The following RETREG1 variants were observed in gnomAD, a reference collection of about 807,000 sequenced individuals.
The protein encoded by RETREG1 is reticulophagy regulator 1, also known as family with sequence similarity 134 member B.
In RETREG1, 44 loss-of-function variants were observed where a neutral mutation model predicts 54.8. The ratio of observed to expected loss-of-function variants is 0.80; its 90% CI spans 0.63 to 1.03. RETREG1 has a LOEUF of 1.03. RETREG1 is among the 50% of genes least tolerant of loss of function. The pLI, the probability that RETREG1 is intolerant of heterozygous loss-of-function variation, is 0.00. For synonymous variants in RETREG1, 217 were observed against 238.5 expected (o/e 0.91, Z 0.83); for missense variants, 554 against 605.1 (o/e 0.92, Z 0.89).
intron 3 of RETREG1, among the ~76,000 whole-genome samples, chr5:16,515,134 T>C (rs1008502314): frequency 6.6e-6 from 1 of 152,178 alleles, no homozygotes; most frequent in Admixed American, 6.5e-5. Context: ...GTGGGATTGC[T>C]GGATCAAATG....
At chr5:16,525,699 A>G (rs952466076) in intron 3 of RETREG1, among the ~76,000 whole-genome samples, 1 of 152,082 alleles carries the variant, frequency 6.6e-6, no homozygotes, top group African/African-American at 2.4e-5. Context: ...GCAGCACTGA[A>G]TTCCTAGGTC....
chr5:16,557,098 G>C (rs1289404504), intron 3 of RETREG1, among the ~76,000 whole-genome samples: 13 of 152,154 alleles, frequency 8.5e-5, no homozygotes, highest in Admixed American at 8.5e-4. Context: ...CCATAGTGCT[G>C]GCATTAAAGT....
rs1393530930 is a variant in RETREG1 at position 16,513,688 on chromosome 5, A to G, written c.459-30216T>C. On this transcript the variant is annotated intron_variant, in intron 3 of 8. Coordinates refer to ENST00000306320, the MANE Select transcript of RETREG1 (RefSeq NM_001034850.3). ...ATCTCCATGGTGGGCATTTCAAGTC[A>G]AGTCTATATCCTCATATCTGAACCT... 2.0e-5 allele frequency among the ~76,000 whole-genome samples: 3 copies of G among 152,242 alleles called. No homozygotes were observed. The South Asian group carries it at 6.2e-4, about 32-fold the overall frequency.
intron 3 of RETREG1, among the ~76,000 whole-genome samples, chr5:16,519,011 G>A (rs1332026299): frequency 6.6e-6 from 1 of 152,204 alleles, no homozygotes; most frequent in African/African-American, 2.4e-5. Context: ...CAAAGTGGAA[G>A]AGGATATTTT....
intron 3 of RETREG1, among the ~76,000 whole-genome samples, chr5:16,499,185 T>A (rs2126546688): frequency 6.6e-6 from 1 of 152,270 alleles, no homozygotes; most frequent in East Asian, 1.9e-4. Flanking sequence ...CAACAGGGAC[T>A]TTTCCACTCC....
intron 3 of RETREG1, among the ~76,000 whole-genome samples, chr5:16,547,637 C>T (rs1156642253): frequency 4.6e-5 from 7 of 152,208 alleles, no homozygotes; most frequent in Non-Finnish European, 1.0e-4. Context: ...CCAAGTTCCC[C>T]TTTCAATGTG....
chr5:16,538,757 T>A (rs1022112946), intron 3 of RETREG1, among the ~76,000 whole-genome samples: 1 of 151,694 alleles, frequency 6.6e-6, no homozygotes, highest in Non-Finnish European at 1.5e-5. Flanking sequence ...CAGGCTGGAG[T>A]GCAGTGGCAC....
intron 3 of RETREG1, among the ~76,000 whole-genome samples, chr5:16,496,616 A>G (rs943147788): frequency 1.3e-5 from 2 of 152,208 alleles, no homozygotes; most frequent in Non-Finnish European, 2.9e-5. Context: ...TCAGAATTCC[A>G]TTACCCAAAA....
At chr5:16,576,733 C>T (rs563870452) in intron 1 of RETREG1, among the ~76,000 whole-genome samples, 43 of 152,258 alleles carry the variant, frequency 2.8e-4, no homozygotes, top group African/African-American at 1.0e-3. Context: ...CCACCTGCCT[C>T]GGCCTCCCGA....
In RETREG1 at chr5:16,483,469, C is replaced by T; in HGVS notation, c.462G>A (p.Trp154Ter). 1 of 1,612,964 alleles carries T rather than the reference C, an allele frequency of 6.2e-7. No homozygotes were observed. Among genetic ancestry groups the T allele is most frequent in the East Asian group, 2.2e-5 (1 of 44,856 alleles). Residue 154 changes from tryptophan to a stop codon, truncating the protein, a stop_gained, in exon 4 of 9, where the codon TGG (tryptophan) becomes TGA (stop). Transcript: ENST00000306320. LOFTEE classifies it high-confidence loss of function. Reference sequence around the variant, plus strand: ...CATCTGGTTTGGAATTGATAACTTCCCAGCTAAAGAGACAAAAAGAAAAAA... The same window carrying T: ...CATCTGGTTTGGAATTGATAACTTCTCAGCTAAAGAGACAAAAAGAAAAAA... ...AQLWRSLSES[W>*]EVINSKPDER... is the part of the protein sequence containing the mutation.
At chr5:16,553,958 G>A (rs959401943) in intron 3 of RETREG1, among the ~76,000 whole-genome samples, 5 of 152,022 alleles carry the variant, frequency 3.3e-5, no homozygotes, top group African/African-American at 4.8e-5. Context: ...ACTACAGTTC[G>A]GACCATGAGG....
rs1244196393 is a variant in RETREG1, at chr5:16,477,256, G to A, written c.1000+406C>T. 3.9e-5 allele frequency among the ~76,000 whole-genome samples: 6 copies of A among 152,208 alleles called. No homozygotes were observed. The East Asian group carries it at 1.2e-3, about 29-fold the overall frequency. On this transcript the variant is annotated intron_variant, in intron 8 of 8. Coordinates refer to ENST00000306320, the MANE Select transcript of RETREG1 (RefSeq NM_001034850.3). ...ACCCTTCTAAGGTATACAATTCAGT[G>A]TTTTTTAGTATATTCATAAAGCTGT... is the stretch of plus-strand genomic sequence containing the variant.
At chr5:16,589,993 G>A (rs1419199884) in intron 1 of RETREG1, among the ~76,000 whole-genome samples, 2 of 152,216 alleles carry the variant, frequency 1.3e-5, no homozygotes, top group African/African-American at 2.4e-5. Flanking sequence ...AAGAGTGGAA[G>A]AGGATGTCCA....
At chr5:16,512,996 G>C (rs1740228869) in intron 3 of RETREG1, among the ~76,000 whole-genome samples, 1 of 152,034 alleles carries the variant, frequency 6.6e-6, no homozygotes, top group Non-Finnish European at 1.5e-5. Flanking sequence ...CTGGGGTCAT[G>C]GTTGAGTTCT....
intron 3 of RETREG1, among the ~76,000 whole-genome samples, chr5:16,526,836 G>A (rs1466688704): frequency 6.6e-6 from 1 of 152,192 alleles, no homozygotes; most frequent in African/African-American, 2.4e-5. Context: ...CGGAATGAAG[G>A]GCTTACTCCT....
In RETREG1 at chr5:16,527,800, A is replaced by ATTTTTTTTTTTTTTTTTTTTTT. The variant is rs386403108; in HGVS notation, c.458+37941_458+37962dup. ...CTTAGTACAATTTCGAGGGACTCTA[A>ATTTTTTTTTTTTTTTTTTTTTT]TTTTTTTTTTTTTTTTTTTTTTTTT... On this transcript the variant is annotated intron_variant, in intron 3 of 8. Transcript: ENST00000306320. 4.1e-4 allele frequency among the ~76,000 whole-genome samples: 27 copies of ATTTTTTTTTTTTTTTTTTTTTT among 66,262 alleles called. 6 individuals carry two copies. Among genetic ancestry groups the ATTTTTTTTTTTTTTTTTTTTTT allele is most frequent in the East Asian group, 5.6e-4 (1 of 1,796 alleles). The allele number at this position is 66,262 out of a possible 152,430, so 43.5% of individuals were successfully genotyped here.
intron 3 of RETREG1, among the ~76,000 whole-genome samples, chr5:16,488,725 CT>C (rs1278649411): frequency 1.3e-5 from 2 of 152,180 alleles, no homozygotes; most frequent in Non-Finnish European, 2.9e-5. Context: ...TCAGAAGGGT[CT>C]TGCCTCAGTA....
intron 3 of RETREG1, among the ~76,000 whole-genome samples, chr5:16,557,847 C>A (rs904873296): frequency 1.3e-5 from 2 of 151,936 alleles, no homozygotes; most frequent in Admixed American, 1.3e-4. Flanking sequence ...TTAATTTAAT[C>A]TAATTGCTAT....
chr5:16,538,526 C>G (rs1741141368), intron 3 of RETREG1, among the ~76,000 whole-genome samples: 2 of 152,142 alleles, frequency 1.3e-5, no homozygotes, highest in South Asian at 4.1e-4. Flanking sequence ...ACTTCTATTA[C>G]TACACCCATT....
Sources: allele counts gnomAD v4.1 joint callset (sites outside exome capture counted in the v4.1 genomes callset), GRCh38; gene constraint gnomAD v4.1.1; transcripts MANE v1.5; gene names NCBI Gene and HGNC (gene_info 2026-07-23, HGNC 2026-07-21).